Variants in MTRES1 observed in about 807,000 individuals in gnomAD.
MTRES1 encodes the protein mitochondrial transcription rescue factor 1.
A neutral mutation model predicts 17.4 loss-of-function variants in MTRES1; 11 were observed. That is an observed-to-expected ratio of 0.63 (90% CI 0.40 to 1.05). MTRES1 has a LOEUF of 1.05. Ranked by LOEUF, MTRES1 falls within the 50% of genes least tolerant of loss-of-function variation. MTRES1 has a pLI of 0.00. For missense variants in MTRES1, 268 were observed against 276.2 expected (o/e 0.97, Z 0.21); for synonymous variants, 94 against 99.6 (o/e 0.94, Z 0.34).
chr6:107,043,248 G>A (rs1331714098), intron 2 of MTRES1, among the ~76,000 whole-genome samples: 1 of 151,974 alleles, frequency 6.6e-6, no homozygotes, highest in African/African-American at 2.4e-5. Context: ...GCAGGAGAAT[G>A]GCGTGAACTT....
chr6:107,050,451 T>C (rs911947521), intron 3 of MTRES1, among the ~76,000 whole-genome samples: 5 of 151,766 alleles, frequency 3.3e-5, no homozygotes, highest in African/African-American at 4.8e-5. Flanking sequence ...GTATTTGAGC[T>C]ACTCTGCGCA....
At chr6:107,028,788 A>T (rs1773723594) in intron 1 of MTRES1, 2 of 621,134 alleles carry the variant, frequency 3.2e-6, no homozygotes, top group Non-Finnish European at 4.0e-6. Flanking sequence ...TGCTTTTCTT[A>T]CAGTCTTCGG....
rs1310008844 is a variant in MTRES1 at position 107,031,411 on chromosome 6, A to G, written c.-13+3140A>G. ...AAAAAAAAAAAAAAGAAAAAAAAAGAAAAAAGGAGAAGAGAAGGAGGCAGC... is the reference window on the plus strand; with the variant it reads ...AAAAAAAAAAAAAAGAAAAAAAAAGGAAAAAGGAGAAGAGAAGGAGGCAGC... On this transcript the variant is annotated intron_variant, in intron 1 of 3. Coordinates refer to ENST00000311381, the MANE Select transcript of MTRES1 (RefSeq NM_016487.5). Among the ~76,000 whole-genome samples, 3 of 146,366 alleles carry G rather than the reference A, an allele frequency of 2.0e-5. No homozygotes were observed. The Admixed American group carries it at 2.1e-4, about 10-fold the overall frequency.
intron 1 of MTRES1, among the ~76,000 whole-genome samples, chr6:107,029,435 C>T (rs1773755439): frequency 6.6e-6 from 1 of 152,050 alleles, no homozygotes; most frequent in South Asian, 2.1e-4. Flanking sequence ...GATCCGCACG[C>T]CTAAGCCTCC....
chr6:107,045,340 C>T (rs965413760), intron 3 of MTRES1, among the ~76,000 whole-genome samples: 2 of 151,828 alleles, frequency 1.3e-5, no homozygotes, highest in Non-Finnish European at 1.5e-5. Flanking sequence ...AAAAATTAGC[C>T]GGGTGTGGTG....
At position 107,028,944 on chromosome 6, in the gene MTRES1, C is replaced by G. The variant is rs1278171532; in HGVS notation, c.-13+673C>G. On this transcript the variant is annotated intron_variant, in intron 1 of 3. Transcript: ENST00000311381. ...CATCAGGTCACTTCCCAGGGTCCAT[C>G]ATTGCGTGTTCTTTTCCTGATTCAT... is the stretch of plus-strand genomic sequence containing the variant. 9.2e-6 allele frequency: 8 copies of G among 868,696 alleles called. No individual in the cohort carries two copies. In the African/African-American group the frequency reaches 1.3e-4, roughly 14 times the overall value. The allele number at this position is 868,696 out of a possible 1,614,324, so 53.8% of individuals were successfully genotyped here.
At chr6:107,046,468 A>T (rs570232852) in intron 3 of MTRES1, among the ~76,000 whole-genome samples, 1 of 152,098 alleles carries the variant, frequency 6.6e-6, no homozygotes, top group African/African-American at 2.4e-5. Flanking sequence ...GGCATTATTA[A>T]CGCTCAGCTG....
chr6:107,042,021 A>C (rs1467789234), intron 2 of MTRES1, among the ~76,000 whole-genome samples: 1 of 151,826 alleles, frequency 6.6e-6, no homozygotes, highest in African/African-American at 2.4e-5. Flanking sequence ...GCATAGTTTA[A>C]TTTTTTAATC....
chr6:107,030,991 A>G (rs1270831018), intron 1 of MTRES1, among the ~76,000 whole-genome samples: 1 of 152,230 alleles, frequency 6.6e-6, no homozygotes, highest in Non-Finnish European at 1.5e-5. Context: ...TGCATTTGTA[A>G]GAACTAATTG....
intron 1 of MTRES1, among the ~76,000 whole-genome samples, chr6:107,035,928 T>G (rs1773992415): frequency 6.6e-6 from 1 of 152,118 alleles, no homozygotes; most frequent in African/African-American, 2.4e-5. Context: ...GGATTACAGG[T>G]GTGAACCACC....
chr6:107,040,537 C>T (rs1322077927), intron 2 of MTRES1: 7 of 209,490 alleles, frequency 3.3e-5, no homozygotes, highest in African/African-American at 1.2e-4. Context: ...ATGTAGCAAA[C>T]GTAAAATGTA....
At chr6:107,033,546 C>T (rs1314742489) in intron 1 of MTRES1, among the ~76,000 whole-genome samples, 1 of 152,006 alleles carries the variant, frequency 6.6e-6, no homozygotes, top group Non-Finnish European at 1.5e-5. Context: ...GGGCCGGGCA[C>T]GGTGGCTCAC....
intron 3 of MTRES1, among the ~76,000 whole-genome samples, chr6:107,049,565 C>T (rs1774519316): frequency 6.6e-6 from 1 of 151,830 alleles, no homozygotes; most frequent in South Asian, 2.1e-4. Context: ...AGGCGCCCGC[C>T]ACCACACCCA....
chr6:107,036,896 T>C (rs1423021443), intron 1 of MTRES1, among the ~76,000 whole-genome samples: 3 of 151,606 alleles, frequency 2.0e-5, no homozygotes, highest in Non-Finnish European at 4.4e-5. Context: ...ATGTCCTTCC[T>C]ACTCTTTTGG....
At chr6:107,046,925 C>T (rs1337123523) in intron 3 of MTRES1, among the ~76,000 whole-genome samples, 1 of 136,306 alleles carries the variant, frequency 7.3e-6, no homozygotes, top group Non-Finnish European at 1.6e-5. Flanking sequence ...CAAAGGGATT[C>T]ATTCTTGTGT....
rs1554227387 is a variant in MTRES1 at position 107,039,841 on chromosome 6, A to G, written c.81A>G (p.Arg27=). Residue 27 remains arginine (R), a synonymous_variant, in exon 2 of 4, where the codon CGA becomes CGG. Transcript: ENST00000311381. Reference sequence around the variant, plus strand: ...GGATTGGACTCTGGGGTGTTCTCCGAGGGACACCTTCATCATACAAACTCT... The same window carrying G: ...GGATTGGACTCTGGGGTGTTCTCCGGGGGACACCTTCATCATACAAACTCT... ...DAWIGLWGVL[R]GTPSSYKLCT... is the part of the protein sequence containing the mutation. 6.2e-7 allele frequency: 1 copy of G among 1,614,102 alleles called. No homozygotes were observed. The highest frequency in any genetic ancestry group is 1.1e-5 in the South Asian group (1 of 91,068).
At chr6:107,043,040 A>C (rs540768957) in intron 2 of MTRES1, among the ~76,000 whole-genome samples, 1 of 151,478 alleles carries the variant, frequency 6.6e-6, no homozygotes, top group South Asian at 2.1e-4. Context: ...CAGAATAAAC[A>C]TTAATGGAGG....
At position 107,051,149 on chromosome 6, in the gene MTRES1, T is replaced by G; in HGVS notation, c.636T>G (p.Phe212Leu). ...TGCGGATTCTCTTGAAAAAAGTGTT[T>G]GAAGAGAAGACTGAAAGTGAAAAAT... ...TVMRILLKKVFEEKTESEKYR... is the reference protein window; with the variant it reads ...TVMRILLKKVLEEKTESEKYR... Residue 212 changes from phenylalanine to leucine, a missense_variant, in exon 4 of 4, where the codon TTT (phenylalanine) becomes TTG (leucine). Transcript: ENST00000311381. The G allele has an allele frequency of 1.2e-6, 2 of 1,614,086 alleles. No homozygotes were observed. The highest frequency in any genetic ancestry group is 2.2e-5 in the South Asian group (2 of 91,074).
chr6:107,029,188 G>T (rs1452962307), intron 1 of MTRES1, among the ~76,000 whole-genome samples: 1 of 133,522 alleles, frequency 7.5e-6, no homozygotes, highest in Admixed American at 7.7e-5. Context: ...GCCACACCCG[G>T]CTATTTTTTT....
Sources: gnomAD v4.1 joint callset for allele counts (sites outside exome capture counted in the v4.1 genomes callset) on GRCh38, gnomAD v4.1.1 for gene constraint, MANE v1.5 for transcripts, NCBI Gene and HGNC (gene_info 2026-07-23, HGNC 2026-07-21) for gene names.